BLOC1S3: variants seen among roughly 807,000 people sequenced by gnomAD.
BLOC1S3 encodes biogenesis of lysosomal organelles complex 1 subunit 3.
A neutral mutation model predicts 9.1 loss-of-function variants in BLOC1S3; 7 were observed. The ratio of observed to expected loss-of-function variants is 0.77; its 90% CI spans 0.44 to 1.45. The LOEUF (loss-of-function observed/expected upper bound fraction) is 1.45. BLOC1S3 is among the 40% of genes most tolerant of loss of function. The pLI is 0.01. For synonymous variants in BLOC1S3, 145 were observed against 158.4 expected, an observed-to-expected ratio of 0.92 and a Z score of 0.64; for missense variants, 307 against 315.2, an observed-to-expected ratio of 0.97 and a Z score of 0.20.
intron 3 of BLOC1S3, chr19:45,213,190 A>C (rs1969795917): frequency 6.2e-7 from 1 of 1,606,662 alleles, no homozygotes; most frequent in African/African-American, 1.3e-5. Context: ...GCTGAGACAG[A>C]AAGATGGGCG....
chr19:45,179,785 G>A lies in BLOC1S3; in HGVS notation c.489G>A (p.Ala163=), dbSNP rs1244141816. 5 of 1,570,012 alleles carry A rather than the reference G, an allele frequency of 3.2e-6. No homozygotes were observed. The highest frequency in any genetic ancestry group is 1.4e-5 in the African/African-American group (1 of 71,256). ...CGGCGGCCCACAGCGTGCGCCTGGC[G>A]CGCGGGGACCTTTGTGCGCTGGCCG... is the stretch of plus-strand genomic sequence containing the variant. ...GLAAAHSVRL[A]RGDLCALAER... The change falls in exon 2 of 2, where the codon GCG becomes GCA. Residue 163 remains alanine (A), a synonymous_variant. Coordinates refer to ENST00000433642, the MANE Select transcript of BLOC1S3 (RefSeq NM_212550.5). The surrounding 1 kb of genome is among the most constrained non-coding windows in gnomAD (Gnocchi z 4.6).
chr19:45,182,215 G>A (rs1450284675), downstream of BLOC1S3, among the ~76,000 whole-genome samples: 2 of 152,016 alleles, frequency 1.3e-5, no homozygotes, highest in African/African-American at 2.4e-5. Flanking sequence ...TATCACGCCT[G>A]TAATCCTAGC....
intron 3 of BLOC1S3, among the ~76,000 whole-genome samples, chr19:45,209,925 T>C (rs1024711667): frequency 6.6e-6 from 1 of 151,534 alleles, no homozygotes; most frequent in Non-Finnish European, 1.5e-5. Flanking sequence ...AAAGATGGGG[T>C]TTCACTGTGT....
downstream of BLOC1S3, among the ~76,000 whole-genome samples, chr19:45,182,374 CAAAA>C (rs892202038): frequency 6.6e-6 from 1 of 150,402 alleles, no homozygotes; most frequent in African/African-American, 2.5e-5. Flanking sequence ...GACTCTGTCT[CAAAA>C]ATAAATAGGC....
intron 2 of BLOC1S3, among the ~76,000 whole-genome samples, chr19:45,200,479 G>A (rs1969683392): frequency 6.6e-6 from 1 of 152,172 alleles, no homozygotes; most frequent in Non-Finnish European, 1.5e-5. Flanking sequence ...ACCGTGCCCA[G>A]CCCCTTTCTG....
In BLOC1S3 at chr19:45,179,797, TTG is replaced by T; in HGVS notation, c.504_505del (p.Leu170GlyfsTer25). The T allele has an allele frequency of 1.3e-6, 2 of 1,598,158 alleles. No individual in the cohort carries two copies. The highest frequency in any genetic ancestry group is 8.5e-7 in the Non-Finnish European group (1 of 1,175,062). ...GCGTGCGCCTGGCGCGCGGGGACCTTTGTGCGCTGGCCGAGCGTCTGGACATC... is the reference window on the plus strand; with the variant it reads ...GCGTGCGCCTGGCGCGCGGGGACCTTTGCGCTGGCCGAGCGTCTGGACATC... ...HSVRLARGDL[C>X]ALAERLDIVA... On this transcript the variant is annotated frameshift_variant, in exon 2 of 2. Coordinates refer to ENST00000433642, the MANE Select transcript of BLOC1S3 (RefSeq NM_212550.5). LOFTEE classifies it high-confidence loss of function. This position sits in a 1 kb window ranked among gnomAD's most constrained non-coding sequence, Gnocchi z 4.6.
chr19:45,209,480 A>T (rs867607203), intron 3 of BLOC1S3, among the ~76,000 whole-genome samples: 1 of 150,634 alleles, frequency 6.6e-6, no homozygotes, highest in East Asian at 2.0e-4. Context: ...GGAGTGCAGT[A>T]ATGCAATCTC....
At chr19:45,198,890 C>T (rs564497290) in intron 2 of BLOC1S3, 11 of 151,614 alleles carry the variant, frequency 7.3e-5, no homozygotes, top group African/African-American at 1.9e-4. Flanking sequence ...TATTTTTAGT[C>T]GAGACGGGAT....
chr19:45,208,418 C>T (rs1969743852), intron 3 of BLOC1S3, among the ~76,000 whole-genome samples: 1 of 152,064 alleles, frequency 6.6e-6, no homozygotes, highest in Non-Finnish European at 1.5e-5. Context: ...ACCAGCCTAG[C>T]CAACATGGCA....
At chr19:45,210,989 G>A (rs1969765642) in intron 3 of BLOC1S3, among the ~76,000 whole-genome samples, 2 of 152,188 alleles carry the variant, frequency 1.3e-5, no homozygotes, top group African/African-American at 4.8e-5. Flanking sequence ...GCACGAGCCT[G>A]TAGTCCCAGC....
chr19:45,188,831 C>T (rs1458449054), intron 2 of BLOC1S3, among the ~76,000 whole-genome samples: 2 of 151,856 alleles, frequency 1.3e-5, no homozygotes, highest in Admixed American at 6.6e-5. Flanking sequence ...CTTGGCCTCC[C>T]AAGGTGCTGG....
chr19:45,182,374 CAAAAAT>C (rs1251098797), downstream of BLOC1S3, among the ~76,000 whole-genome samples: 3 of 150,402 alleles, frequency 2.0e-5, no homozygotes, highest in Non-Finnish European at 4.4e-5. Flanking sequence ...GACTCTGTCT[CAAAAAT>C]AAATAGGCCA....
intron 2 of BLOC1S3, among the ~76,000 whole-genome samples, chr19:45,196,633 C>T (rs2122918020): frequency 6.6e-6 from 1 of 152,252 alleles, no homozygotes; most frequent in African/African-American, 2.4e-5. Context: ...TGGCTCACGC[C>T]TGTAATCCTA....
intron 2 of BLOC1S3, among the ~76,000 whole-genome samples, chr19:45,196,509 GGGGAATATTCCTGA>G (rs1969649556): frequency 6.6e-6 from 1 of 152,198 alleles, no homozygotes; most frequent in South Asian, 2.1e-4. Context: ...GGAGGTGCTA[GGGGAATATTCCTGA>G]GGGAATTTAG....
chr19:45,199,309 C>CTTTTTTTT (rs34967306), intron 2 of BLOC1S3, among the ~76,000 whole-genome samples: 48 of 72,510 alleles, frequency 6.6e-4, no homozygotes, highest in African/African-American at 1.0e-3. Flanking sequence ...GTGCCTTATT[C>CTTTTTTTT]TTTTTTTTTT....
intron 3 of BLOC1S3, among the ~76,000 whole-genome samples, chr19:45,207,112 C>T (rs1436188328): frequency 6.6e-6 from 1 of 151,546 alleles, no homozygotes; most frequent in African/African-American, 2.4e-5. Context: ...GCTGGGATGA[C>T]AGGTGTAAGC....
chr19:45,192,022 C>T (rs1407647932), intron 2 of BLOC1S3, among the ~76,000 whole-genome samples: 2 of 152,220 alleles, frequency 1.3e-5, no homozygotes, highest in African/African-American at 2.4e-5. Flanking sequence ...GTGGTGTGAG[C>T]CCCCCATCAC....
chr19:45,191,253 G>C (rs965824383), intron 2 of BLOC1S3, among the ~76,000 whole-genome samples: 2 of 152,042 alleles, frequency 1.3e-5, no homozygotes, highest in African/African-American at 4.8e-5. Context: ...CTCCCGAGTA[G>C]CTGGGATTAC....
downstream of BLOC1S3, among the ~76,000 whole-genome samples, chr19:45,183,222 G>A (rs1204138484): frequency 1.3e-5 from 2 of 151,898 alleles, no homozygotes; most frequent in Non-Finnish European, 2.9e-5. Flanking sequence ...GCTCACGCCT[G>A]TAATTCCAGC....
Sources: allele counts gnomAD v4.1 joint callset (sites outside exome capture counted in the v4.1 genomes callset), GRCh38; gene constraint gnomAD v4.1.1; non-coding constraint Gnocchi (gnomAD v3.1); transcripts MANE v1.5; gene names NCBI Gene and HGNC (gene_info 2026-07-23, HGNC 2026-07-21).